Variants in ABHD12B observed in about 807,000 individuals in gnomAD.
The protein encoded by ABHD12B is abhydrolase domain containing 12B, also known as protein ABHD12B.
A neutral mutation model predicts 50.4 loss-of-function variants in ABHD12B; 42 were observed. The observed-to-expected ratio is 0.83, with a 90% CI of 0.65 to 1.08. ABHD12B has a LOEUF of 1.08. ABHD12B is among the 50% of genes least tolerant of loss of function. The probability of loss-of-function intolerance (pLI) is 0.00; values close to 1 mark genes in which losing one functional copy is unlikely to be tolerated. For missense variants in ABHD12B, 479 were observed against 447.7 expected (o/e 1.07, Z -0.63); for synonymous variants, 167 against 160.3 (o/e 1.04, Z -0.32).
At chr14:50,876,888 G>A (rs2049871141) in intron 1 of ABHD12B, among the ~76,000 whole-genome samples, 1 of 152,176 alleles carries the variant, frequency 6.6e-6, no homozygotes. Flanking sequence ...CTTACAACAT[G>A]GAAAGGGACT....
Position 50,885,758 on chromosome 14 carries a change from G to T in ABHD12B, c.533-8G>T, listed in dbSNP as rs2050026758. ...AGTGATACTGTGTTTGCCTTTTCTTGCTGCCAGGATTTGGGGACTCTACAG... is the reference window on the plus strand; with the variant it reads ...AGTGATACTGTGTTTGCCTTTTCTTTCTGCCAGGATTTGGGGACTCTACAG... On this transcript the variant is annotated splice_region_variant and splice_polypyrimidine_tract_variant and intron_variant, in intron 6 of 12. Transcript: ENST00000337334. 3.1e-6 allele frequency: 5 copies of T among 1,614,138 alleles called. No individual in the cohort carries two copies. The highest frequency in any genetic ancestry group is 4.2e-6 in the Non-Finnish European group (5 of 1,180,014).
chr14:50,872,268 C>T lies in ABHD12B; in HGVS notation c.94C>T (p.Arg32Cys). Reference sequence around the variant, plus strand: ...GGCCGCCTGGTGGGACATGGTCGACCGCAACCTGCGGTGAGTACCGCCCGG... The same window carrying T: ...GGCCGCCTGGTGGGACATGGTCGACTGCAACCTGCGGTGAGTACCGCCCGG... ...CVAAWWDMVD[R>C]NLRYFPHSCS... The change falls in exon 1 of 13, where the codon CGC becomes TGC. Residue 32 changes from arginine to cysteine, a missense_variant. Transcript: ENST00000337334. 1 of 1,370,124 alleles carries T rather than the reference C, an allele frequency of 7.3e-7. No individual in the cohort carries two copies. Among genetic ancestry groups the T allele is most frequent in the South Asian group, 1.7e-5 (1 of 59,978 alleles). The allele number at this position is 1,370,124 out of a possible 1,614,324, so 84.9% of individuals were successfully genotyped here.
intron 1 of ABHD12B, among the ~76,000 whole-genome samples, chr14:50,875,984 A>G (rs1360874719): frequency 6.6e-6 from 1 of 152,152 alleles, no homozygotes; most frequent in Non-Finnish European, 1.5e-5. Flanking sequence ...GGAGCTTAGA[A>G]GGAAGCCAGC....
chr14:50,881,154 C>T lies in ABHD12B; in HGVS notation c.456-442C>T, dbSNP rs115382161. ...GTCTCCCAGGAGTCTGGCTCCCCTT[C>T]GATGTGCTGTCAGAGCCTTTTTGGG... On this transcript the variant is annotated intron_variant, in intron 4 of 12. Coordinates refer to ENST00000337334, the MANE Select transcript of ABHD12B (RefSeq NM_001206673.2). Among the ~76,000 whole-genome samples the T allele has an allele frequency of 7.2e-3, 1,103 of 152,300 alleles. 14 individuals carry two copies. The highest frequency in any genetic ancestry group is 0.026 in the African/African-American group (1,068 of 41,572).
At chr14:50,879,144 C>T (rs1425862548) in intron 3 of ABHD12B, among the ~76,000 whole-genome samples, 1 of 152,216 alleles carries the variant, frequency 6.6e-6, no homozygotes, top group Non-Finnish European at 1.5e-5. Flanking sequence ...CCTCCTAGGA[C>T]ATGCTCTGCC....
chr14:50,881,813 C>G (rs2049953205), intron 5 of ABHD12B, among the ~76,000 whole-genome samples, 187 bp downstream of exon 5: 1 of 152,144 alleles, frequency 6.6e-6, no homozygotes, highest in Non-Finnish European at 1.5e-5. Context: ...CAAAACAGAA[C>G]CGAGCTTCTC....
At position 50,885,172 on chromosome 14, in the gene ABHD12B, G is replaced by A. The variant is rs536469221; in HGVS notation, c.487-442G>A. 3.3e-5 allele frequency among the ~76,000 whole-genome samples: 5 copies of A among 152,220 alleles called. No individual in the cohort carries two copies. The East Asian group carries it at 5.8e-4, about 18-fold the overall frequency. ...ACCCTGCTCAGCCTTCCTGCTCTCC[G>A]TCTCTCCCACTGAGCCTCGCCTTCT... is the stretch of plus-strand genomic sequence containing the variant. On this transcript the variant is annotated intron_variant, in intron 5 of 12. Coordinates refer to ENST00000337334, the MANE Select transcript of ABHD12B (RefSeq NM_001206673.2).
chr14:50,903,350 C>A, intron 10 of ABHD12B, 39 bp from the exon 11 acceptor site: 2 of 1,485,668 alleles, frequency 1.3e-6, no homozygotes, highest in South Asian at 1.2e-5. Flanking sequence ...CTCAATGTAT[C>A]ATTCTTTAAC....
At chr14:50,878,670 T>C in intron 2 of ABHD12B, 75 bp from the exon 3 acceptor site, 1 of 1,223,014 alleles carries the variant, frequency 8.2e-7, no homozygotes, top group East Asian at 2.4e-5. Context: ...CTGTGTAGGC[T>C]AATTCCTTTC....
chr14:50,894,693 G>A (rs2142760204), intron 9 of ABHD12B, among the ~76,000 whole-genome samples: 1 of 151,846 alleles, frequency 6.6e-6, no homozygotes, highest in East Asian at 1.9e-4. Context: ...CTGACGTCCA[G>A]GCATTCTTTT....
chr14:50,880,627 C>A (rs1262752732), intron 4 of ABHD12B, 56 bp downstream of exon 4: 3 of 1,473,536 alleles, frequency 2.0e-6, no homozygotes, highest in African/African-American at 2.9e-5. Flanking sequence ...ATTTCAGCCC[C>A]ATGGGGGAAT....
At chr14:50,901,964 G>A (rs2050265119) in intron 10 of ABHD12B, 53 bp downstream of exon 10, 2 of 1,250,124 alleles carry the variant, frequency 1.6e-6, no homozygotes, top group South Asian at 1.5e-5. Flanking sequence ...AGGATTCTAG[G>A]GGCAACTATC....
intron 8 of ABHD12B, 119 bp downstream of exon 8, chr14:50,886,803 T>A: frequency 1.1e-6 from 1 of 879,690 alleles, no homozygotes; most frequent in Non-Finnish European, 1.8e-6. Flanking sequence ...CAACTTTAGA[T>A]GGTTTCTGGC....
intron 9 of ABHD12B, among the ~76,000 whole-genome samples, chr14:50,896,053 CCG>C (rs2050194582): frequency 6.6e-6 from 1 of 152,048 alleles, no homozygotes; most frequent in Non-Finnish European, 1.5e-5. Flanking sequence ...CTTGTATCCC[CCG>C]ACCTTAACCC....
At position 50,894,320 on chromosome 14, in the gene ABHD12B, C is replaced by A. The variant is rs187925750; in HGVS notation, c.780+5417C>A. On this transcript the variant is annotated intron_variant, in intron 9 of 12. Coordinates refer to ENST00000337334, the MANE Select transcript of ABHD12B (RefSeq NM_001206673.2). Reference sequence around the variant, plus strand: ...TTATTTCTGCACCCTGACCTCTTATCTCTGTGCCCTAATCCCTTATTTCCG... The same window carrying A: ...TTATTTCTGCACCCTGACCTCTTATATCTGTGCCCTAATCCCTTATTTCCG... Among the ~76,000 whole-genome samples, 110 of 152,284 alleles carry A rather than the reference C, an allele frequency of 7.2e-4. 1 individual carries two copies. Among genetic ancestry groups the A allele is most frequent in the African/African-American group, 2.6e-3 (108 of 41,542 alleles).
chr14:50,880,159 G>A (rs1253436783), intron 3 of ABHD12B, among the ~76,000 whole-genome samples: 1 of 152,006 alleles, frequency 6.6e-6, no homozygotes, highest in Non-Finnish European at 1.5e-5. Flanking sequence ...AATTTCAATG[G>A]GCTGTACCTA....
chr14:50,889,799 TTTAATAA>T (rs1410305539), intron 9 of ABHD12B, among the ~76,000 whole-genome samples: 3 of 152,324 alleles, frequency 2.0e-5, no homozygotes, highest in Admixed American at 6.5e-5. Flanking sequence ...ATGGCCTCAA[TTTAATAA>T]TTATTCTACA....
rs1039150207 is a variant in ABHD12B, at chr14:50,892,341, AG to A, written c.780+3439del. On this transcript the variant is annotated intron_variant, in intron 9 of 12. Coordinates refer to ENST00000337334, the MANE Select transcript of ABHD12B (RefSeq NM_001206673.2). ...AAAAAATCCAAAAGGGAATGAGGGT[AG>A]TAGCACTGGAAAGGGGGAAGAGCAG... 2.0e-4 allele frequency: 173 copies of A among 855,692 alleles called. 4 individuals carry two copies. The African/African-American group carries it at 2.3e-3, about 12-fold the overall frequency. 53.0% of individuals were successfully genotyped at this position (855,692 alleles called of 1,614,324 possible). A position where few individuals can be genotyped will look rare whatever the true frequency, so the allele number is the denominator to read the frequency against.
intron 3 of ABHD12B, among the ~76,000 whole-genome samples, chr14:50,880,231 T>C (rs1056774292): frequency 1.3e-5 from 2 of 151,758 alleles, no homozygotes; most frequent in African/African-American, 4.8e-5. Context: ...CAGTAAGTCG[T>C]TAAAAGGCAT....
Sources: allele counts gnomAD v4.1 joint callset (sites outside exome capture counted in the v4.1 genomes callset), GRCh38; gene constraint gnomAD v4.1.1; transcripts MANE v1.5; gene names NCBI Gene and HGNC (gene_info 2026-07-23, HGNC 2026-07-21).